Variants in MMRN1 observed in about 807,000 individuals in gnomAD.
MMRN1 encodes multimerin 1.
A neutral mutation model predicts 100.7 loss-of-function variants in MMRN1; 94 were observed. The observed-to-expected ratio is 0.93, with a 90% CI of 0.79 to 1.11. The LOEUF is 1.11. Ranked by LOEUF, MMRN1 falls within the 50% of genes least tolerant of loss-of-function variation. MMRN1 has a pLI of 0.00. For synonymous variants in MMRN1, 575 were observed against 505.0 expected, an observed-to-expected ratio of 1.14 and a Z score of -1.86; for missense variants, 1,606 against 1,439.1, an observed-to-expected ratio of 1.12 and a Z score of -1.88.
chr4:89,880,097 C>T (rs1016833430), intron 1 of MMRN1, among the ~76,000 whole-genome samples: 1 of 152,168 alleles, frequency 6.6e-6, no homozygotes, highest in Non-Finnish European at 1.5e-5. Context: ...TCTGGTTTAG[C>T]TGTTTACATG....
chr4:89,903,155 A>T (rs1721445804), intron 1 of MMRN1, among the ~76,000 whole-genome samples: 2 of 151,836 alleles, frequency 1.3e-5, no homozygotes, highest in South Asian at 4.1e-4. Context: ...TTTTTCATGT[A>T]TATATTTCCC....
chr4:89,889,392 C>G (rs1647493093), intron 1 of MMRN1, among the ~76,000 whole-genome samples: 1 of 152,122 alleles, frequency 6.6e-6, no homozygotes, highest in Admixed American at 6.6e-5. Context: ...TTTCCTTCCC[C>G]ACTCTGCTCT....
In MMRN1 at chr4:89,923,256, A is replaced by G. The variant is rs772047269; in HGVS notation, c.939A>G (p.Gln313=). ...GRGVAEQQQQ[Q]GCGDPEVMQK... ...GAGTAGCTGAGCAGCAGCAGCAGCA[A>G]GGCTGTGGTGACCCAGGTCATAGAT... The change falls in exon 4 of 8, where the codon CAA becomes CAG. Residue 313 remains glutamine (Q), a synonymous_variant. Coordinates refer to ENST00000264790, the MANE Select transcript of MMRN1 (RefSeq NM_007351.3). The G allele has an allele frequency of 1.2e-6, 2 of 1,613,880 alleles. No individual in the cohort carries two copies. Among genetic ancestry groups the G allele is most frequent in the African/African-American group, 1.3e-5 (1 of 75,054 alleles).
intron 1 of MMRN1, among the ~76,000 whole-genome samples, chr4:89,903,965 T>G (rs1199751218): frequency 6.6e-6 from 1 of 151,072 alleles, no homozygotes; most frequent in Non-Finnish European, 1.5e-5. Context: ...TGTGTGCAGT[T>G]AAAAGGAGAA....
intron 1 of MMRN1, among the ~76,000 whole-genome samples, chr4:89,881,295 T>A (rs902734170): frequency 1.3e-5 from 2 of 152,102 alleles, no homozygotes; most frequent in Non-Finnish European, 2.9e-5. Context: ...ATTTGTAAAT[T>A]TTAAGCAAAT....
intron 1 of MMRN1, among the ~76,000 whole-genome samples, chr4:89,903,441 T>A (rs527506234): frequency 2.6e-5 from 4 of 151,744 alleles, no homozygotes; most frequent in Non-Finnish European, 4.4e-5. Context: ...ATGGAAATTA[T>A]TGACTTGAAA....
chr4:89,886,084 T>G (rs1324479347), intron 1 of MMRN1, among the ~76,000 whole-genome samples: 3 of 147,388 alleles, frequency 2.0e-5, no homozygotes, highest in Non-Finnish European at 4.5e-5. Context: ...AGACGTGGGG[T>G]TTTGCCACAT....
At chr4:89,905,040 G>T (rs549091134) in intron 1 of MMRN1, among the ~76,000 whole-genome samples, 5 of 151,536 alleles carry the variant, frequency 3.3e-5, no homozygotes, top group Admixed American at 6.6e-5. Flanking sequence ...ACATATGTCA[G>T]ACTTATAGAG....
At chr4:89,879,889 T>C (rs954758808) in intron 1 of MMRN1, among the ~76,000 whole-genome samples, 1 of 152,208 alleles carries the variant, frequency 6.6e-6, no homozygotes, top group Admixed American at 6.6e-5. Flanking sequence ...TGTTATTGTT[T>C]ATGGCATTTT....
In MMRN1 at chr4:89,895,011, T is replaced by C. The variant is rs1343186452; in HGVS notation, c.40T>C (p.Trp14Arg). The C allele has an allele frequency of 7.4e-6, 12 of 1,613,544 alleles. No homozygotes were observed. Among genetic ancestry groups the C allele is most frequent in the Non-Finnish European group, 1.0e-5 (12 of 1,179,668 alleles). ...ARLFVLLSSL[W>R]SGGIGLNNSK... ...ATTATTTGTCCTTCTTTCTAGTTTA[T>C]GGAGTGGGGGCATTGGGCTTAACAA... is the stretch of plus-strand genomic sequence containing the variant. Residue 14 changes from tryptophan (W) to arginine (R), a missense_variant, in exon 1 of 8, where the codon TGG becomes CGG. Physicochemically the swap from Trp to Arg is moderately radical, Grantham distance 101 (BLOSUM62 -3). Transcript: ENST00000264790.
At chr4:89,936,936 A>C in intron 6 of MMRN1, 138 bp downstream of exon 6, 1 of 705,058 alleles carries the variant, frequency 1.4e-6, no homozygotes, top group Non-Finnish European at 2.2e-6. Context: ...TGTGAAGATC[A>C]CTGACATTAT....
chr4:89,909,599 A>G (rs569380717), intron 2 of MMRN1, among the ~76,000 whole-genome samples: 1 of 151,508 alleles, frequency 6.6e-6, no homozygotes, highest in African/African-American at 2.4e-5. Context: ...AGATAATGCA[A>G]TACTATATTT....
rs763833777 is a variant in MMRN1, at chr4:89,936,075, GTT to G, written c.2398_2399del (p.Leu800AlafsTer13). On this transcript the variant is annotated frameshift_variant, in exon 6 of 8. Transcript: ENST00000264790. LOFTEE classifies it high-confidence loss of function. ...LVNDNQRYNF[V>X]LQVAKTLAGI... ...CAATGACAATCAGAGATATAACTTT[GTT>G]TTGCAAGTCGCCAAGACCCTTGCAG... The G allele has an allele frequency of 1.9e-6, 3 of 1,611,610 alleles. No homozygotes were observed. The highest frequency in any genetic ancestry group is 1.7e-6 in the Non-Finnish European group (2 of 1,179,280).
At chr4:89,944,039 T>C (rs955701289) in intron 6 of MMRN1, among the ~76,000 whole-genome samples, 1 of 152,160 alleles carries the variant, frequency 6.6e-6, no homozygotes, top group Non-Finnish European at 1.5e-5. Flanking sequence ...TGTTCTGTTA[T>C]ATTTTATACT....
intron 5 of MMRN1, 31 bp downstream of exon 5, chr4:89,927,999 C>T (rs758620416): frequency 1.4e-6 from 2 of 1,450,186 alleles, no homozygotes; most frequent in South Asian, 1.3e-5. Context: ...AATATTCATT[C>T]AGTAACACAG....
chr4:89,890,626 C>G (rs975332001), upstream of MMRN1, among the ~76,000 whole-genome samples: 2 of 152,090 alleles, frequency 1.3e-5, no homozygotes. Flanking sequence ...CACTTGATAA[C>G]CAGATACAGC....
At chr4:89,889,561 T>C (rs1721005252) in intron 1 of MMRN1, among the ~76,000 whole-genome samples, 1 of 152,140 alleles carries the variant, frequency 6.6e-6, no homozygotes, top group African/African-American at 2.4e-5. Flanking sequence ...GGACACCTCA[T>C]ACTCTTGATA....
At position 89,935,471 on chromosome 4, in the gene MMRN1, C is replaced by T. The variant is rs749288334; in HGVS notation, c.1791C>T (p.Ser597=). Residue 597 remains serine, a synonymous_variant, in exon 6 of 8, where the codon TCC becomes TCT. Transcript: ENST00000264790. ...GAGGTGAATGTGAAGACATGTTATC[C>T]AAATGCAGAAATGATTTTAAATTTC... is the stretch of plus-strand genomic sequence containing the variant. ...SLRGECEDML[S]KCRNDFKFQL... is the part of the protein sequence containing the mutation. 1.2e-6 allele frequency: 2 copies of T among 1,613,434 alleles called. No homozygotes were observed. The highest frequency in any genetic ancestry group is 2.2e-5 in the South Asian group (2 of 91,050).
intron 6 of MMRN1, among the ~76,000 whole-genome samples, chr4:89,947,649 TAAAG>T (rs1489257665): frequency 6.6e-6 from 1 of 152,108 alleles, no homozygotes; most frequent in African/African-American, 2.4e-5. Context: ...TGGAGAGAAC[TAAAG>T]TGATTTACTC....
Sources: gnomAD v4.1 joint callset for allele counts (sites outside exome capture counted in the v4.1 genomes callset) on GRCh38, gnomAD v4.1.1 for gene constraint, MANE v1.5 for transcripts, NCBI Gene and HGNC (gene_info 2026-07-23, HGNC 2026-07-21) for gene names.